The following AMMECR1L variants were observed in gnomAD, a reference collection of about 807,000 sequenced individuals.
AMMECR1L encodes AMMECR1-like protein.
In AMMECR1L, 4 loss-of-function variants were observed where a neutral mutation model predicts 36.8. The ratio of observed to expected loss-of-function variants is 0.11; its 90% confidence interval spans 0.05 to 0.25. AMMECR1L has a LOEUF of 0.25. AMMECR1L is among the 10% of genes least tolerant of loss of function. The pLI is 1.00. For missense variants in AMMECR1L, 232 were observed against 392.1 expected (o/e 0.59, Z 3.45); for synonymous variants, 147 against 148.0 (o/e 0.99, Z 0.05).
Position 127,871,511 on chromosome 2 carries a change from GA to G in AMMECR1L, c.408-153del, listed in dbSNP as rs1229939245. 2.4e-5 allele frequency: 18 copies of G among 739,856 alleles called. No individual in the cohort carries two copies. The African/African-American group carries it at 3.0e-4, about 12-fold the overall frequency. 45.8% of individuals were successfully genotyped at this position (739,856 alleles called of 1,614,324 possible). A position where few individuals can be genotyped will look rare whatever the true frequency, so the allele number is the denominator to read the frequency against. On this transcript the variant is annotated intron_variant, in intron 3 of 7. Coordinates refer to ENST00000272647, the MANE Select transcript of AMMECR1L (RefSeq NM_001199140.2). This position sits in a 1 kb window ranked among gnomAD's most constrained non-coding sequence, Gnocchi z 4.3. ...TACCCGAAGGACTCTCTGCCTTTCT[GA>G]AAACGGCACAGCCCCTGGCTGGAAA...
At chr2:127,880,799 CT>C (rs1478631709) in intron 2 of AMMECR1L, among the ~76,000 whole-genome samples, 1 of 149,652 alleles carries the variant, frequency 6.7e-6, no homozygotes, top group Non-Finnish European at 1.5e-5. Context: ...CACACACACA[CT>C]CCTGATTGTC....
intron 6 of AMMECR1L, chr2:127,867,407 C>A (rs1690740038): frequency 5.2e-6 from 4 of 763,908 alleles, no homozygotes; most frequent in Non-Finnish European, 6.4e-6. Flanking sequence ...TTCCTTCAAT[C>A]TGATGATTTT....
rs1333565206 is a variant in AMMECR1L, at chr2:127,873,805, C to G, written c.407+23G>C. The G allele has an allele frequency of 6.2e-7, 1 of 1,613,238 alleles. No homozygotes were observed. Among genetic ancestry groups the G allele is most frequent in the Admixed American group, 1.7e-5 (1 of 60,018 alleles). The stretch of plus-strand genomic sequence containing the variant: ...AGATGTCACCATGCCTTCCTCAGTG[C>G]CCCCAGCACATGATTTACTCACTAG... On this transcript the variant is annotated intron_variant, in intron 3 of 7. Coordinates refer to ENST00000272647, the MANE Select transcript of AMMECR1L (RefSeq NM_001199140.2). This position sits in a 1 kb window ranked among gnomAD's most constrained non-coding sequence, Gnocchi z 5.2.
rs1690611682 is a variant in AMMECR1L at position 127,864,788 on chromosome 2, T to A, written c.*306A>T. On this transcript the variant is annotated 3_prime_UTR_variant, in exon 8 of 8. Transcript: ENST00000272647. ...TCCAGCGTGTGGCCAATACCCCATG[T>A]GGCAAATACCAGACAAGGGTCTTCT... The A allele has an allele frequency of 4.9e-6, 1 of 205,552 alleles. No homozygotes were observed. The highest frequency in any genetic ancestry group is 9.8e-6 in the Non-Finnish European group (1 of 101,950). The allele number at this position is 205,552 out of a possible 1,614,324, so 12.7% of individuals were successfully genotyped here.
rs370505541 is a variant in AMMECR1L at position 127,870,932 on chromosome 2, G to C, written c.519-4C>G. On this transcript the variant is annotated splice_region_variant and splice_polypyrimidine_tract_variant and intron_variant, in intron 4 of 7. Coordinates refer to ENST00000272647, the MANE Select transcript of AMMECR1L (RefSeq NM_001199140.2). ...AAATCGGCTGTCCTTAAGTGCACTG[G>C]AGGGGGACAGAAAACATAGGTAAGG... is the stretch of plus-strand genomic sequence containing the variant. 8.9e-5 allele frequency: 143 copies of C among 1,607,612 alleles called. No homozygotes were observed. The highest frequency in any genetic ancestry group is 1.2e-4 in the Non-Finnish European group (136 of 1,176,280).
chr2:127,885,649 C>A, intron 1 of AMMECR1L, 161 bp downstream of exon 1: 3 of 984,348 alleles, frequency 3.0e-6, no homozygotes, highest in South Asian at 4.7e-5. Context: ...GGACTCCTCC[C>A]CCCCGCTGCC....
chr2:127,867,851 A>G (rs1271541482), intron 6 of AMMECR1L, among the ~76,000 whole-genome samples: 2 of 152,194 alleles, frequency 1.3e-5, no homozygotes, highest in Non-Finnish European at 2.9e-5. Flanking sequence ...CAAGTTGCTC[A>G]TGCATATACT....
At chr2:127,883,963 A>T (rs1393313017) in intron 2 of AMMECR1L, among the ~76,000 whole-genome samples, 1 of 152,218 alleles carries the variant, frequency 6.6e-6, no homozygotes, top group Non-Finnish European at 1.5e-5. Flanking sequence ...TATAAAGGAA[A>T]GATCATGCCA....
Position 127,865,660 on chromosome 2 carries a change from A to G in AMMECR1L, c.822-455T>C, listed in dbSNP as rs1690656545. The stretch of plus-strand genomic sequence containing the variant: ...GCGTAAGAGCAACAAACAAGTTATT[A>G]TAACTAAAAGGGACACAGATACCTA... On this transcript the variant is annotated intron_variant, in intron 7 of 7. Coordinates refer to ENST00000272647, the MANE Select transcript of AMMECR1L (RefSeq NM_001199140.2). This position sits in a 1 kb window ranked among gnomAD's most constrained non-coding sequence, Gnocchi z 5.4. Among the ~76,000 whole-genome samples, 1 of 152,250 alleles carries G rather than the reference A, an allele frequency of 6.6e-6. No homozygotes were observed. Among genetic ancestry groups the G allele is most frequent in the African/African-American group, 2.4e-5 (1 of 41,472 alleles).
In AMMECR1L at chr2:127,869,493, G is replaced by A. The variant is rs750132896; in HGVS notation, c.685C>T (p.Arg229Cys). Residue 229 changes from arginine to cysteine, a missense_variant, in exon 6 of 8, where the codon CGC (arginine) becomes TGC (cysteine). Coordinates refer to ENST00000272647, the MANE Select transcript of AMMECR1L (RefSeq NM_001199140.2). This position sits in a 1 kb window ranked among gnomAD's most constrained non-coding sequence, Gnocchi z 4.7. The stretch of plus-strand genomic sequence containing the variant: ...ACCTCAGGTAAATATGTGGCTGTGC[G>A]TTTGACACCTTTTTCATTAATGAAT... Reference protein sequence around the residue: ...IEFINEKGVKRTATYLPEVAK... With the variant: ...IEFINEKGVKCTATYLPEVAK... 1.9e-6 allele frequency: 3 copies of A among 1,614,076 alleles called. No homozygotes were observed. Among genetic ancestry groups the A allele is most frequent in the Non-Finnish European group, 8.5e-7 (1 of 1,179,966 alleles).
At chr2:127,870,699 A>G in intron 5 of AMMECR1L, 115 bp downstream of exon 5, 1 of 773,480 alleles carries the variant, frequency 1.3e-6, no homozygotes, top group Non-Finnish European at 2.0e-6. Flanking sequence ...TTGGTTCCAA[A>G]CTCAGCCTTC....
At chr2:127,867,206 A>C (rs1690726457) in intron 6 of AMMECR1L, 12 of 985,334 alleles carry the variant, frequency 1.2e-5, no homozygotes, top group Non-Finnish European at 1.4e-5. Context: ...ATAGCCCGAC[A>C]CATGCCATAA....
rs1040798366 is a variant in AMMECR1L at position 127,865,637 on chromosome 2, G to C, written c.822-432C>G. Among the ~76,000 whole-genome samples, 1 of 152,194 alleles carries C rather than the reference G, an allele frequency of 6.6e-6. No individual in the cohort carries two copies. Among genetic ancestry groups the C allele is most frequent in the African/African-American group, 2.4e-5 (1 of 41,436 alleles). ...TGACAGAAATGCAACCTCAATTCGCGTAAGAGCAACAAACAAGTTATTATA... is the reference window on the plus strand; with the variant it reads ...TGACAGAAATGCAACCTCAATTCGCCTAAGAGCAACAAACAAGTTATTATA... On this transcript the variant is annotated intron_variant, in intron 7 of 7. Transcript: ENST00000272647. This position sits in a 1 kb window ranked among gnomAD's most constrained non-coding sequence, Gnocchi z 5.4.
At chr2:127,867,510 G>A (rs1690744112) in intron 6 of AMMECR1L, among the ~76,000 whole-genome samples, 1 of 152,188 alleles carries the variant, frequency 6.6e-6, no homozygotes, top group South Asian at 2.1e-4. Context: ...ACTTTGGGAG[G>A]CTGAGGCAGG....
intron 2 of AMMECR1L, among the ~76,000 whole-genome samples, chr2:127,882,161 GA>G (rs939759261): frequency 3.3e-5 from 5 of 152,152 alleles, no homozygotes; most frequent in African/African-American, 1.2e-4. Context: ...AAGGTGGGGG[GA>G]AAAATCTAGA....
Position 127,873,939 on chromosome 2 carries a change from G to C in AMMECR1L, c.296C>G (p.Thr99Ser), listed in dbSNP as rs1030822394. ...CTCTGCAGTCACCACCAGATTCTTA[G>C]TGGTGTTGGCAGTTCCATTAGGCCG... ...LPRPNGTANT[T>S]KNLVVTAEMC... The change falls in exon 3 of 8, where the codon ACT (threonine) becomes AGT (serine). Residue 99 changes from threonine (T) to serine (S), a missense_variant. Thr to Ser is a moderately conservative substitution (Grantham distance 58). Transcript: ENST00000272647. The surrounding 1 kb of genome is among the most constrained non-coding windows in gnomAD (Gnocchi z 5.2). 1.9e-6 allele frequency: 3 copies of C among 1,614,248 alleles called. No individual in the cohort carries two copies. In the East Asian group the frequency reaches 6.7e-5, roughly 36 times the overall value.
intron 2 of AMMECR1L, among the ~76,000 whole-genome samples, chr2:127,877,395 G>A (rs576157595): frequency 6.8e-4 from 103 of 151,482 alleles, no homozygotes; most frequent in Non-Finnish European, 1.1e-3. Context: ...CAGTGCAGTG[G>A]CATGCTCTTG....
In AMMECR1L at chr2:127,864,968, G is replaced by A. The variant is rs1690619485; in HGVS notation, c.*126C>T. ...GTCAGCGGGAGGCAGACTTGGCAAC[G>A]GAAGCTAGCATCATAAAATGGTGCA... On this transcript the variant is annotated 3_prime_UTR_variant, in exon 8 of 8. Coordinates refer to ENST00000272647, the MANE Select transcript of AMMECR1L (RefSeq NM_001199140.2). 6.0e-6 allele frequency: 4 copies of A among 671,754 alleles called. No homozygotes were observed. The highest frequency in any genetic ancestry group is 4.2e-5 in the South Asian group (2 of 47,786). 41.6% of individuals were successfully genotyped at this position (671,754 alleles called of 1,614,324 possible). A position where few individuals can be genotyped will look rare whatever the true frequency, so the allele number is the denominator to read the frequency against.
chr2:127,867,029 G>C, intron 6 of AMMECR1L, 33 bp from the exon 7 acceptor site: 19 of 1,612,572 alleles, frequency 1.2e-5, no homozygotes, highest in Non-Finnish European at 1.6e-5. Context: ...TGAGGTCAAT[G>C]CACATGCAAG....
Sources: allele counts gnomAD v4.1 joint callset (sites outside exome capture counted in the v4.1 genomes callset), GRCh38; gene constraint gnomAD v4.1.1; non-coding constraint Gnocchi (gnomAD v3.1); transcripts MANE v1.5; gene names NCBI Gene and HGNC (gene_info 2026-07-23, HGNC 2026-07-21).